The following FREM1 variants were observed in gnomAD, a reference collection of about 807,000 sequenced individuals.
FREM1 encodes the protein FRAS1 related extracellular matrix 1.
FREM1 carries 220 observed loss-of-function variants against 210.1 expected under a neutral mutation model. The observed-to-expected ratio is 1.05, with a 90% CI of 0.94 to 1.17. The LOEUF is 1.17. Among genes scored for constraint, FREM1 ranks in the 50% most tolerant of loss-of-function variants. The pLI, the probability that FREM1 is intolerant of heterozygous loss-of-function variation, is 0.00. For missense variants in FREM1, 3,454 were observed against 2,675.5 expected (o/e 1.29, Z -6.42); for synonymous variants, 1,189 against 980.2 (o/e 1.21, Z -3.98).
At chr9:14,755,431 A>C (rs968635368) in intron 29 of FREM1, among the ~76,000 whole-genome samples, 2 of 152,196 alleles carry the variant, frequency 1.3e-5, no homozygotes, top group Non-Finnish European at 2.9e-5. Context: ...TCTCCTTGGC[A>C]GGAAAGCACA....
At chr9:14,774,178 G>C (rs765711193) in intron 25 of FREM1, 3 of 516,174 alleles carry the variant, frequency 5.8e-6, no homozygotes, top group South Asian at 2.8e-5. Context: ...ATGATCTCAA[G>C]ACTTCCCTCA....
chr9:14,822,977 C>T (rs193051682), intron 13 of FREM1, among the ~76,000 whole-genome samples, 183 bp downstream of exon 13: 23 of 152,166 alleles, frequency 1.5e-4, no homozygotes, highest in African/African-American at 5.3e-4. Flanking sequence ...ATAGAAAGTC[C>T]CATGGGAGTA....
intron 10 of FREM1, among the ~76,000 whole-genome samples, chr9:14,833,841 C>T (rs1824025536): frequency 6.6e-6 from 1 of 151,972 alleles, no homozygotes; most frequent in Non-Finnish European, 1.5e-5. Context: ...TTTGTCTTAC[C>T]ACTCTTAATG....
intron 13 of FREM1, among the ~76,000 whole-genome samples, chr9:14,821,608 G>C (rs1395884538): frequency 1.3e-5 from 2 of 152,192 alleles, no homozygotes; most frequent in African/African-American, 2.4e-5. Flanking sequence ...GTCCCTGATA[G>C]GAAAGGTGTC....
intron 17 of FREM1, 133 bp downstream of exon 17, chr9:14,807,807 G>C: frequency 1.5e-6 from 1 of 663,450 alleles, no homozygotes; most frequent in Non-Finnish European, 2.5e-6. Context: ...AATTTGTGTT[G>C]AGGTAATTAT....
At position 14,759,948 on chromosome 9, in the gene FREM1, C is replaced by G. The variant is rs530797213; in HGVS notation, c.5205-47G>C. On this transcript the variant is annotated intron_variant, in intron 27 of 36. Coordinates refer to ENST00000380880, the MANE Select transcript of FREM1 (RefSeq NM_001379081.2). ...AAATCATGAGAATGCATAGTATATG[C>G]CTATAGGGATTCTCTGCTGAGCGGA... is the stretch of plus-strand genomic sequence containing the variant. 37 of 1,498,998 alleles carry G rather than the reference C, an allele frequency of 2.5e-5. No homozygotes were observed. In the African/African-American group the frequency reaches 5.0e-4, roughly 20 times the overall value. 92.9% of individuals were successfully genotyped at this position (1,498,998 alleles called of 1,614,324 possible).
chr9:14,750,120 A>C lies in FREM1; in HGVS notation c.5557+7T>G. 6.2e-7 allele frequency: 1 copy of C among 1,613,446 alleles called. No homozygotes were observed. Among genetic ancestry groups the C allele is most frequent in the Non-Finnish European group, 8.5e-7 (1 of 1,179,716 alleles). The stretch of plus-strand genomic sequence containing the variant: ...TCCTGATTTCAAGATGAGGATCAAA[A>C]GAATACCTCCTTTTGAGTCCAAAAT... On this transcript the variant is annotated splice_region_variant and intron_variant, in intron 30 of 36. Transcript: ENST00000380880.
intron 29 of FREM1, chr9:14,751,793 C>G (rs1029178339): frequency 6.6e-6 from 1 of 152,208 alleles, no homozygotes; most frequent in East Asian, 1.9e-4. Context: ...TCAGTCTCTT[C>G]AATCCTCAAC....
intron 1 of FREM1, among the ~76,000 whole-genome samples, chr9:14,889,886 G>T (rs148719322): frequency 4.9e-4 from 74 of 152,308 alleles, no homozygotes; most frequent in Admixed American, 3.3e-3. Flanking sequence ...AACATTAAGC[G>T]TGAGCATTTT....
chr9:14,794,987 G>C (rs1215623941), intron 21 of FREM1, among the ~76,000 whole-genome samples: 2 of 117,074 alleles, frequency 1.7e-5, no homozygotes, highest in African/African-American at 3.6e-5. Flanking sequence ...GACAGAGCGA[G>C]ACTTTCTCTC....
Position 14,842,654 on chromosome 9 carries a change from T to C in FREM1, c.1400A>G (p.Lys467Arg), listed in dbSNP as rs552613825. The C allele has an allele frequency of 1.9e-6, 3 of 1,612,578 alleles. No homozygotes were observed. Among genetic ancestry groups the C allele is most frequent in the East Asian group, 2.2e-5 (1 of 44,880 alleles). The stretch of plus-strand genomic sequence containing the variant: ...GTCAGCCACGGTGAAGAGAAACCCT[T>C]TCCCCCCTGAGGGAGAGAGCAGAGA... ...QHGWLTLRGGKGFLFTVADLQ... is the reference protein window; with the variant it reads ...QHGWLTLRGGRGFLFTVADLQ... The change falls in exon 9 of 37, where the codon AAA (lysine) becomes AGA (arginine). Residue 467 changes from lysine to arginine, a missense_variant. Transcript: ENST00000380880.
At chr9:14,742,118 T>G (rs117041622) in intron 35 of FREM1, among the ~76,000 whole-genome samples, 620 of 152,292 alleles carry the variant, frequency 4.1e-3, no homozygotes, top group Non-Finnish European at 7.5e-3. Flanking sequence ...ATATAAAATG[T>G]GGTGGGTATT....
At chr9:14,768,843 G>C (rs1846975025) in intron 27 of FREM1, among the ~76,000 whole-genome samples, 1 of 152,096 alleles carries the variant, frequency 6.6e-6, no homozygotes, top group Non-Finnish European at 1.5e-5. Flanking sequence ...AGAGCACAGA[G>C]CTGTATCACT....
chr9:14,867,301 G>A (rs936949621), intron 2 of FREM1, among the ~76,000 whole-genome samples: 4 of 152,156 alleles, frequency 2.6e-5, no homozygotes, highest in Non-Finnish European at 5.9e-5. Flanking sequence ...TCCCTGACTC[G>A]TAAGTGCCAA....
rs550211318 is a variant in FREM1, at chr9:14,851,319, G to A, written c.1117C>T (p.Pro373Ser). The change falls in exon 6 of 37, where the codon CCA becomes TCA. Residue 373 changes from proline (P) to serine (S), a missense_variant. Physicochemically the swap from Pro to Ser is moderately conservative, Grantham distance 74. Coordinates refer to ENST00000380880, the MANE Select transcript of FREM1 (RefSeq NM_001379081.2). ...CTCCTCTCAGAATGGCTGCTGTTTG[G>A]TGGCTGATAGGCGATCTGCATGTCA... ...LSDMQIAYQP[P>S]NSSHSERRHD... 4.1e-5 allele frequency: 65 copies of A among 1,603,446 alleles called. 1 individual carries two copies. In the South Asian group the frequency reaches 7.0e-4, roughly 17 times the overall value.
In FREM1 at chr9:14,759,772, CT is replaced by C. The variant is rs1239247260; in HGVS notation, c.5333del (p.Lys1778ArgfsTer15). The C allele has an allele frequency of 6.2e-7, 1 of 1,604,990 alleles. No individual in the cohort carries two copies. Among genetic ancestry groups the C allele is most frequent in the Non-Finnish European group, 8.5e-7 (1 of 1,175,210 alleles). On this transcript the variant is annotated frameshift_variant and splice_region_variant, in exon 28 of 37. Transcript: ENST00000380880. LOFTEE classifies it high-confidence loss of function. ...YSMDSAFVGI[K>X]VNQVSAAVGK... is the part of the protein sequence containing the mutation. ...ATAATTTACATTTCAGAGTCATTACCTTTATACCCACAAAGGCCGAGTCCAT... is the reference window on the plus strand; with the variant it reads ...ATAATTTACATTTCAGAGTCATTACCTTATACCCACAAAGGCCGAGTCCAT...
intron 18 of FREM1, 130 bp downstream of exon 18, chr9:14,806,531 G>C: frequency 3.1e-6 from 2 of 637,166 alleles, no homozygotes; most frequent in Middle Eastern, 4.3e-4. Flanking sequence ...TGGGATTACA[G>C]GCATCAGCCA....
Position 14,886,869 on chromosome 9 carries a change from T to G in FREM1, c.-267-17625A>C, listed in dbSNP as rs549415227. 6.3e-5 allele frequency among the ~76,000 whole-genome samples: 8 copies of G among 126,694 alleles called. No individual in the cohort carries two copies. The South Asian group carries it at 1.9e-3, about 30-fold the overall frequency. The allele number at this position is 126,694 out of a possible 152,430, so 83.1% of individuals were successfully genotyped here. Reference sequence around the variant, plus strand: ...TGACACTGCAGCCTGAGTGACAAAGTGAAGTGAGACAGTGAGACCTTGTTT... The same window carrying G: ...TGACACTGCAGCCTGAGTGACAAAGGGAAGTGAGACAGTGAGACCTTGTTT... On this transcript the variant is annotated intron_variant, in intron 1 of 36. Transcript: ENST00000380880.
chr9:14,863,885 G>A lies in FREM1; in HGVS notation c.253C>T (p.Leu85Phe), dbSNP rs868305638. 6.2e-7 allele frequency: 1 copy of A among 1,609,906 alleles called. No homozygotes were observed. The highest frequency in any genetic ancestry group is 1.1e-5 in the South Asian group (1 of 90,930). The change falls in exon 3 of 37, where the codon CTT (leucine) becomes TTT (phenylalanine). Residue 85 changes from leucine (L) to phenylalanine (F), a missense_variant. Physicochemically the swap from Leu to Phe is conservative, Grantham distance 22. Transcript: ENST00000380880. The stretch of plus-strand genomic sequence containing the variant: ...TGAACATACTTGACTTCGTTGGGAA[G>A]GAAATGGCAGTCAAAGACCTAGTTC... ...LTPQVFDCHF[L>F]PNEVKYVHNG...
Sources: allele counts gnomAD v4.1 joint callset (sites outside exome capture counted in the v4.1 genomes callset), GRCh38; gene constraint gnomAD v4.1.1; transcripts MANE v1.5; gene names NCBI Gene and HGNC (gene_info 2026-07-23, HGNC 2026-07-21).